The following RGS9 variants were observed in gnomAD, a reference collection of about 807,000 sequenced individuals.
RGS9 encodes regulator of G-protein signalling 9.
RGS9 carries 78 observed loss-of-function variants against 102.0 expected under a neutral mutation model. That is an observed-to-expected ratio of 0.76 (90% CI 0.64 to 0.92). The LOEUF (loss-of-function observed/expected upper bound fraction) is 0.92, where lower values mean the gene tolerates loss of function less well. Among genes scored for constraint, RGS9 ranks in the 40% least tolerant of loss-of-function variants. RGS9 has a pLI of 0.00. For synonymous variants in RGS9, 353 were observed against 318.6 expected (o/e 1.11, Z -1.15); for missense variants, 833 against 866.1 (o/e 0.96, Z 0.48).
At chr17:65,145,368 G>A (rs1910312644) in intron 1 of RGS9, among the ~76,000 whole-genome samples, 1 of 151,196 alleles carries the variant, frequency 6.6e-6, no homozygotes, top group Non-Finnish European at 1.5e-5. Context: ...TGGGATTACA[G>A]GCATGAGCCA....
chr17:65,223,201 T>C (rs8068016), intron 17 of RGS9, among the ~76,000 whole-genome samples: 10,979 of 152,304 alleles, frequency 0.072, 1,317 homozygotes, highest in African/African-American at 0.25. Context: ...AAGTGCTCAG[T>C]CCAGGGCCTC....
At chr17:65,172,884 CCT>C (rs1023270019) in intron 8 of RGS9, among the ~76,000 whole-genome samples, 2 of 152,088 alleles carry the variant, frequency 1.3e-5, no homozygotes, top group Admixed American at 6.5e-5. Flanking sequence ...AAATTGTCTC[CCT>C]GTTTCACCTC....
chr17:65,157,053 A>G (rs1374462953), intron 2 of RGS9, among the ~76,000 whole-genome samples: 1 of 152,150 alleles, frequency 6.6e-6, no homozygotes, highest in African/African-American at 2.4e-5. Context: ...GAGAGCGTGT[A>G]TATGGGTCAT....
At chr17:65,172,583 T>C (rs1422888132) in intron 8 of RGS9, among the ~76,000 whole-genome samples, 2 of 152,136 alleles carry the variant, frequency 1.3e-5, no homozygotes, top group African/African-American at 4.8e-5. Flanking sequence ...TAACATATAT[T>C]TTGTGAATAT....
At position 65,168,244 on chromosome 17, in the gene RGS9, G is replaced by T; in HGVS notation, c.545G>T (p.Cys182Phe). The T allele has an allele frequency of 6.2e-7, 1 of 1,611,534 alleles. No individual in the cohort carries two copies. Among genetic ancestry groups the T allele is most frequent in the Non-Finnish European group, 8.5e-7 (1 of 1,178,998 alleles). The change falls in exon 8 of 19, where the codon TGC becomes TTC. Residue 182 changes from cysteine to phenylalanine, a missense_variant. Transcript: ENST00000262406. The part of the protein sequence containing the change: ...RNKADRYALD[C>F]QEKAYWLVHR... ...AAAGCAGACAGATATGCCCTGGACTGCCAGGAGAAGGCATACTGGCTGGTG... is the reference window on the plus strand; with the variant it reads ...AAAGCAGACAGATATGCCCTGGACTTCCAGGAGAAGGCATACTGGCTGGTG...
chr17:65,165,090 G>A (rs1037934470), intron 7 of RGS9, among the ~76,000 whole-genome samples: 1 of 152,130 alleles, frequency 6.6e-6, no homozygotes, highest in Non-Finnish European at 1.5e-5. Flanking sequence ...GGTAAGATGT[G>A]CCCCTCTCCC....
intron 15 of RGS9, 147 bp downstream of exon 15, chr17:65,204,448 T>TG: frequency 2.0e-6 from 2 of 981,006 alleles, no homozygotes; most frequent in South Asian, 2.9e-5. Context: ...TGGGGGCTCA[T>TG]GTCTGTAATC....
chr17:65,194,334 C>T (rs1484401986), intron 12 of RGS9, among the ~76,000 whole-genome samples: 3 of 152,086 alleles, frequency 2.0e-5, no homozygotes, highest in Non-Finnish European at 4.4e-5. Flanking sequence ...TGCCTTTTAG[C>T]TATTATGAAG....
At chr17:65,171,486 G>A (rs1381652058) in intron 8 of RGS9, among the ~76,000 whole-genome samples, 3 of 152,230 alleles carry the variant, frequency 2.0e-5, no homozygotes, top group Admixed American at 6.5e-5. Context: ...GGCCCCACCC[G>A]TGGTCCCTCT....
intron 1 of RGS9, among the ~76,000 whole-genome samples, chr17:65,143,061 C>A (rs933888019): frequency 6.6e-6 from 1 of 152,062 alleles, no homozygotes; most frequent in Non-Finnish European, 1.5e-5. Flanking sequence ...CAGGCTTAAC[C>A]ATTGCTCTTT....
At position 65,210,625 on chromosome 17, in the gene RGS9, G is replaced by T. The variant is rs375069570; in HGVS notation, c.1407+20G>T. ...ACCCAGGTCATGAGCAAGCTGGACC[G>T]CAGGAGCCAACTCCAAAAAGAGCTG... On this transcript the variant is annotated intron_variant, in intron 17 of 18. Coordinates refer to ENST00000262406, the MANE Select transcript of RGS9 (RefSeq NM_003835.4). The T allele has an allele frequency of 6.2e-7, 1 of 1,612,870 alleles. No homozygotes were observed. Among genetic ancestry groups the T allele is most frequent in the Non-Finnish European group, 8.5e-7 (1 of 1,179,992 alleles).
intron 9 of RGS9, among the ~76,000 whole-genome samples, chr17:65,181,972 G>A (rs1183955017): frequency 1.3e-5 from 2 of 152,152 alleles, no homozygotes; most frequent in African/African-American, 4.8e-5. Flanking sequence ...CTCCATGTTA[G>A]GGTGCTGTAC....
At chr17:65,167,322 C>T (rs1219096087) in intron 7 of RGS9, among the ~76,000 whole-genome samples, 1 of 152,096 alleles carries the variant, frequency 6.6e-6, no homozygotes, top group Non-Finnish European at 1.5e-5. Context: ...CTGCCTCAGC[C>T]TCCTGAGTAG....
At chr17:65,193,799 A>T in intron 12 of RGS9, 143 bp downstream of exon 12, 1 of 653,660 alleles carries the variant, frequency 1.5e-6, no homozygotes, top group Non-Finnish European at 2.7e-6. Flanking sequence ...AAACATGTTC[A>T]TTACACAAAA....
At chr17:65,161,773 A>G (rs1263430127) in intron 6 of RGS9, among the ~76,000 whole-genome samples, 2 of 151,878 alleles carry the variant, frequency 1.3e-5, no homozygotes, top group Non-Finnish European at 2.9e-5. Context: ...AGGCTGGCCT[A>G]TAGTGGTGCA....
intron 15 of RGS9, among the ~76,000 whole-genome samples, chr17:65,207,458 A>C (rs537182272): frequency 6.6e-6 from 1 of 152,250 alleles, no homozygotes; most frequent in Non-Finnish European, 1.5e-5. Context: ...GTCTCCATAC[A>C]TGACCAGCTG....
intron 1 of RGS9, among the ~76,000 whole-genome samples, chr17:65,143,849 GC>G (rs1474534985): frequency 6.6e-6 from 1 of 150,662 alleles, no homozygotes; most frequent in Non-Finnish European, 1.5e-5. Context: ...TGTAGTCTTA[GC>G]TATGGGATGC....
intron 9 of RGS9, among the ~76,000 whole-genome samples, chr17:65,183,946 G>A (rs1238056847): frequency 6.6e-6 from 1 of 152,210 alleles, no homozygotes; most frequent in African/African-American, 2.4e-5. Context: ...GGGCAACTCT[G>A]CAAGGGAAAA....
At chr17:65,193,106 C>CAAA (rs372675773) in intron 11 of RGS9, among the ~76,000 whole-genome samples, 1,427 of 131,168 alleles carry the variant, frequency 0.011, 27 homozygotes, top group African/African-American at 0.037. Context: ...ACCAAAAATA[C>CAAA]AAAAAAAAAA....
Sources: allele counts gnomAD v4.1 joint callset (sites outside exome capture counted in the v4.1 genomes callset), GRCh38; gene constraint gnomAD v4.1.1; transcripts MANE v1.5; gene names NCBI Gene and HGNC (gene_info 2026-07-23, HGNC 2026-07-21).